Variants in LRP1B observed in about 807,000 individuals in gnomAD.
LRP1B encodes the protein low-density lipoprotein receptor-related protein 1B.
Under a neutral mutation model 556.6 loss-of-function variants are expected in LRP1B, and 217 were observed. The ratio of observed to expected loss-of-function variants is 0.39; its 90% CI spans 0.35 to 0.44. LRP1B has a LOEUF of 0.44. Ranked by LOEUF, LRP1B falls within the 20% of genes least tolerant of loss-of-function variation. LRP1B has a pLI of 1.00. For missense variants in LRP1B, 5,053 were observed against 5,620.8 expected (o/e 0.90, Z 3.23); for synonymous variants, 2,047 against 1,865.8 (o/e 1.10, Z -2.50).
chr2:141,702,200 C>T (rs752332579), intron 2 of LRP1B, among the ~76,000 whole-genome samples: 1 of 151,770 alleles, frequency 6.6e-6, no homozygotes, highest in East Asian at 1.9e-4. Context: ...GATCAATTGG[C>T]TTAGGTAGAA....
intron 66 of LRP1B, among the ~76,000 whole-genome samples, chr2:140,417,263 C>G (rs1047275786): frequency 6.6e-6 from 1 of 152,304 alleles, no homozygotes; most frequent in Middle Eastern, 3.4e-3. Flanking sequence ...CTAAGAAGCC[C>G]TTTACTATTG....
rs1251850493 is a variant in LRP1B at position 140,457,566 on chromosome 2, G to A, written c.9711C>T (p.Leu3237=). The change falls in exon 61 of 91, where the codon CTC becomes CTT. Residue 3237 remains leucine (L), a synonymous_variant. Transcript: ENST00000389484. ...CTCCCGATGTTTTATGGGCACGGCT[G>A]AGTGACTTGGTTTTCCCATCAGTCC... is the stretch of plus-strand genomic sequence containing the variant. ...IYWTDGKTKS[L]SRAHKTSGAD... 7 of 1,613,682 alleles carry A rather than the reference G, an allele frequency of 4.3e-6. No individual in the cohort carries two copies. The highest frequency in any genetic ancestry group is 5.9e-6 in the Non-Finnish European group (7 of 1,179,746).
At chr2:141,626,229 C>T (rs1434258006) in intron 2 of LRP1B, among the ~76,000 whole-genome samples, 1 of 152,104 alleles carries the variant, frequency 6.6e-6, no homozygotes, top group Non-Finnish European at 1.5e-5. Context: ...AGTTTTTCAA[C>T]AACTGATGCT....
chr2:141,040,318 A>G (rs1435205314), intron 11 of LRP1B, among the ~76,000 whole-genome samples: 1 of 152,092 alleles, frequency 6.6e-6, no homozygotes, highest in African/African-American at 2.4e-5. Context: ...CACACTTTAA[A>G]TTTCATAAGA....
chr2:141,793,444 A>G (rs1054935531), intron 2 of LRP1B, among the ~76,000 whole-genome samples: 5 of 151,966 alleles, frequency 3.3e-5, no homozygotes, highest in African/African-American at 1.2e-4. Context: ...TTTCTATAAC[A>G]GATTTATCTG....
At chr2:140,872,388 T>TTTTTA (rs70991113) in intron 25 of LRP1B, among the ~76,000 whole-genome samples, 4 of 132,172 alleles carry the variant, frequency 3.0e-5, no homozygotes, top group African/African-American at 1.1e-4. Context: ...TTTTTTTTTT[T>TTTTTA]ACTAAAGTAG....
intron 1 of LRP1B, among the ~76,000 whole-genome samples, chr2:142,051,509 G>A (rs1236170077): frequency 6.6e-6 from 1 of 151,002 alleles, no homozygotes; most frequent in Non-Finnish European, 1.5e-5. Context: ...ATGGAGTCTC[G>A]CTCTGTCACC....
intron 41 of LRP1B, among the ~76,000 whole-genome samples, chr2:140,639,415 C>G (rs1485969841): frequency 6.6e-6 from 1 of 152,190 alleles, no homozygotes; most frequent in African/African-American, 2.4e-5. Flanking sequence ...TCTAAGGCAT[C>G]TTGCTCCAGA....
At chr2:141,798,612 C>A (rs1377609797) in intron 2 of LRP1B, among the ~76,000 whole-genome samples, 1 of 138,248 alleles carries the variant, frequency 7.2e-6, no homozygotes, top group Non-Finnish European at 1.5e-5. Flanking sequence ...GAGGCTGAGG[C>A]AGGAGGATCA....
intron 7 of LRP1B, among the ~76,000 whole-genome samples, chr2:141,155,862 G>C (rs908880222): frequency 1.3e-5 from 2 of 152,024 alleles, no homozygotes; most frequent in African/African-American, 4.8e-5. Context: ...TTCATTTTAT[G>C]TGTAGCTGAA....
In LRP1B at chr2:141,307,293, G is replaced by A. The variant is rs189813822; in HGVS notation, c.344-52652C>T. Among the ~76,000 whole-genome samples, 224 of 152,170 alleles carry A rather than the reference G, an allele frequency of 1.5e-3. 1 individual carries two copies. Among genetic ancestry groups the A allele is most frequent in the Admixed American group, 4.5e-3 (68 of 15,270 alleles). ...GCTTTATATATCTGGGTACTCCAGTGTTGGGTGCATATAGGTTTAGAATAT... is the reference window on the plus strand; with the variant it reads ...GCTTTATATATCTGGGTACTCCAGTATTGGGTGCATATAGGTTTAGAATAT... On this transcript the variant is annotated intron_variant, in intron 3 of 90. Coordinates refer to ENST00000389484, the MANE Select transcript of LRP1B (RefSeq NM_018557.3).
chr2:140,879,541 A>G (rs1693409550), intron 25 of LRP1B, among the ~76,000 whole-genome samples: 1 of 152,098 alleles, frequency 6.6e-6, no homozygotes, highest in Non-Finnish European at 1.5e-5. Flanking sequence ...TTGCCATAAC[A>G]TAGTTCAAAA....
intron 20 of LRP1B, among the ~76,000 whole-genome samples, chr2:140,938,260 G>A (rs1695289654): frequency 6.6e-6 from 1 of 151,862 alleles, no homozygotes; most frequent in South Asian, 2.1e-4. Flanking sequence ...TGGTCTTTGT[G>A]TGAACTGAAT....
chr2:141,597,096 C>T (rs1687552623), intron 2 of LRP1B, among the ~76,000 whole-genome samples: 1 of 151,034 alleles, frequency 6.6e-6, no homozygotes, highest in Non-Finnish European at 1.5e-5. Flanking sequence ...CTGCATTCAT[C>T]CAAATAATTG....
At chr2:140,978,617 T>C (rs953835567) in intron 18 of LRP1B, among the ~76,000 whole-genome samples, 2 of 152,226 alleles carry the variant, frequency 1.3e-5, no homozygotes, top group Admixed American at 6.6e-5. Context: ...TGTCGTTTTG[T>C]ATGCAGTGCA....
At chr2:141,483,722 A>T (rs977854088) in intron 2 of LRP1B, among the ~76,000 whole-genome samples, 3 of 151,960 alleles carry the variant, frequency 2.0e-5, no homozygotes, top group Non-Finnish European at 4.4e-5. Context: ...AGTGATGATG[A>T]GCGTTTTTTC....
chr2:141,308,769 G>A (rs1313647980), intron 3 of LRP1B, among the ~76,000 whole-genome samples: 1 of 152,042 alleles, frequency 6.6e-6, no homozygotes, highest in East Asian at 1.9e-4. Context: ...CAAAATGATT[G>A]TTGCTTTTTA....
intron 1 of LRP1B, among the ~76,000 whole-genome samples, chr2:141,994,084 A>G (rs1050912767): frequency 2.0e-5 from 3 of 152,298 alleles, no homozygotes; most frequent in Admixed American, 2.0e-4. Flanking sequence ...GGAAATCTAA[A>G]TGGAACCCTG....
At chr2:140,996,827 C>G (rs111786220) in intron 15 of LRP1B, among the ~76,000 whole-genome samples, 72 of 151,964 alleles carry the variant, frequency 4.7e-4, no homozygotes, top group African/African-American at 1.6e-3. Flanking sequence ...GTAGACAGAA[C>G]GAAGAGAGTC....
Sources: allele counts gnomAD v4.1 joint callset (sites outside exome capture counted in the v4.1 genomes callset), GRCh38; gene constraint gnomAD v4.1.1; transcripts MANE v1.5; gene names NCBI Gene and HGNC (gene_info 2026-07-23, HGNC 2026-07-21).